Variants in SMIM13 observed in about 807,000 individuals in gnomAD.
SMIM13 encodes small integral membrane protein 13.
Under a neutral mutation model 5.9 loss-of-function variants are expected in SMIM13, and 3 were observed. That is an observed-to-expected ratio of 0.51 (90% confidence interval 0.23 to 1.31). The LOEUF (loss-of-function observed/expected upper bound fraction) is 1.31. Ranked by LOEUF, SMIM13 falls within the 40% of genes most tolerant of loss-of-function variation. The pLI is 0.18. For missense variants in SMIM13, 85 were observed against 109.9 expected, an observed-to-expected ratio of 0.77 and a Z score of 1.01; for synonymous variants, 55 against 46.0, an observed-to-expected ratio of 1.19 and a Z score of -0.79.
Position 11,134,402 on chromosome 6 carries a change from G to T in SMIM13, c.77-1G>T. ...CTTAATGTTTTTGTCTTTCTCTGTAGGTTGGTATTTTGTATGGCATCTTTT... is the reference window on the plus strand; with the variant it reads ...CTTAATGTTTTTGTCTTTCTCTGTATGTTGGTATTTTGTATGGCATCTTTT... On this transcript the variant is annotated splice_acceptor_variant, in intron 1 of 1. Coordinates refer to ENST00000416247, the MANE Select transcript of SMIM13 (RefSeq NM_001135575.2). LOFTEE classifies it high-confidence loss of function. 1 of 1,549,906 alleles carries T rather than the reference G, an allele frequency of 6.5e-7. No individual in the cohort carries two copies. The highest frequency in any genetic ancestry group is 2.4e-5 in the East Asian group (1 of 40,874).
rs553986748 is a variant in SMIM13 at position 11,136,544 on chromosome 6, G to A, written c.*1942G>A. On this transcript the variant is annotated 3_prime_UTR_variant, in exon 2 of 2. Coordinates refer to ENST00000416247, the MANE Select transcript of SMIM13 (RefSeq NM_001135575.2). Reference sequence around the variant, plus strand: ...TTAGAGTTTTGTTTAACAGTTCACTGGCTCTGTCCCAATGTTTGTGATGAA... The same window carrying A: ...TTAGAGTTTTGTTTAACAGTTCACTAGCTCTGTCCCAATGTTTGTGATGAA... 1 of 152,146 alleles carries A rather than the reference G, an allele frequency of 6.6e-6. No individual in the cohort carries two copies. Among genetic ancestry groups the A allele is most frequent in the African/African-American group, 2.4e-5 (1 of 41,498 alleles). The allele number at this position is 152,146 out of a possible 1,614,324, so 9.4% of individuals were successfully genotyped here.
chr6:11,127,341 A>G (rs1758389903), intron 1 of SMIM13, among the ~76,000 whole-genome samples: 2 of 152,028 alleles, frequency 1.3e-5, no homozygotes, highest in South Asian at 2.1e-4. Flanking sequence ...GTAAGACAAA[A>G]TCCCTCCCAG....
At position 11,136,657 on chromosome 6, in the gene SMIM13, A is replaced by G. The variant is rs565347343; in HGVS notation, c.*2055A>G. Reference sequence around the variant, plus strand: ...AGTTTTATGTGTTTGCTAGGGGAAGATTTCCTAGCAGCTGAGAGCAAGGCA... The same window carrying G: ...AGTTTTATGTGTTTGCTAGGGGAAGGTTTCCTAGCAGCTGAGAGCAAGGCA... On this transcript the variant is annotated 3_prime_UTR_variant, in exon 2 of 2. Coordinates refer to ENST00000416247, the MANE Select transcript of SMIM13 (RefSeq NM_001135575.2). 14 of 152,068 alleles carry G rather than the reference A, an allele frequency of 9.2e-5. No individual in the cohort carries two copies. Among genetic ancestry groups the G allele is most frequent in the South Asian group, 2.1e-4 (1 of 4,828 alleles). 9.4% of individuals were successfully genotyped at this position (152,068 alleles called of 1,614,324 possible).
chr6:11,111,539 G>C (rs139261770), intron 1 of SMIM13: 3 of 153,058 alleles, frequency 2.0e-5, no homozygotes, highest in African/African-American at 7.2e-5. Context: ...GAGCAGCCAG[G>C]GGGAGCAGAG....
intron 1 of SMIM13, among the ~76,000 whole-genome samples, chr6:11,099,324 G>A (rs1414418364): frequency 7.9e-5 from 12 of 152,106 alleles, no homozygotes; most frequent in Admixed American, 3.9e-4. Flanking sequence ...ATAGGCGCCC[G>A]CCACCACACC....
intron 1 of SMIM13, 68 bp downstream of exon 1, chr6:11,094,457 GTTGT>G (rs1757896724): frequency 2.4e-6 from 3 of 1,262,202 alleles, no homozygotes; most frequent in Middle Eastern, 2.3e-4. Flanking sequence ...GGTTTTTTTT[GTTGT>G]TTGTTTTTTT....
At chr6:11,113,532 C>T (rs1328217213) in intron 1 of SMIM13, among the ~76,000 whole-genome samples, 2 of 151,928 alleles carry the variant, frequency 1.3e-5, no homozygotes, top group African/African-American at 4.8e-5. Context: ...TTGTTTTTAT[C>T]AGATATGTTT....
intron 1 of SMIM13, among the ~76,000 whole-genome samples, chr6:11,115,121 A>G (rs1013028111): frequency 6.6e-6 from 1 of 152,168 alleles, no homozygotes; most frequent in African/African-American, 2.4e-5. Context: ...CATCGTGTTA[A>G]TGCAGACCTT....
At chr6:11,114,592 C>CTTT (rs58585640) in intron 1 of SMIM13, among the ~76,000 whole-genome samples, 908 of 21,958 alleles carry the variant, frequency 0.041, 147 homozygotes, top group African/African-American at 0.07. Flanking sequence ...CACTTTTTCT[C>CTTT]TTTTTTTTTT....
At chr6:11,094,424 A>G (rs1757895631) in intron 1 of SMIM13, 35 bp downstream of exon 1, 2 of 1,497,240 alleles carry the variant, frequency 1.3e-6, no homozygotes, top group Non-Finnish European at 1.8e-6. Context: ...GCAGTTCCAC[A>G]CGCCGGGTCG....
chr6:11,130,197 AACTACAATTTATCTCTT>A lies in SMIM13; in HGVS notation c.77-4205_77-4189del, dbSNP rs1201236591. ...GTGAATTTACTGCAATTCTTATCTAAACTACAATTTATCTCTTTCCTTTGTACTCCCAACCTATCATT... is the reference window on the plus strand; with the variant it reads ...GTGAATTTACTGCAATTCTTATCTAATCCTTTGTACTCCCAACCTATCATT... On this transcript the variant is annotated intron_variant, in intron 1 of 1. Transcript: ENST00000416247. 3.3e-5 allele frequency among the ~76,000 whole-genome samples: 5 copies of A among 151,798 alleles called. No individual in the cohort carries two copies. The East Asian group carries it at 9.6e-4, about 29-fold the overall frequency.
rs1758530711 is a variant in SMIM13 at position 11,137,519 on chromosome 6, T to C, written c.*2917T>C. On this transcript the variant is annotated 3_prime_UTR_variant, in exon 2 of 2. Coordinates refer to ENST00000416247, the MANE Select transcript of SMIM13 (RefSeq NM_001135575.2). ...TTAGAGCTTAAAAGTTTATAAGCATTAAAAACACATACATGTATTAGAATC... is the reference window on the plus strand; with the variant it reads ...TTAGAGCTTAAAAGTTTATAAGCATCAAAAACACATACATGTATTAGAATC... The C allele has an allele frequency of 6.6e-6, 1 of 152,168 alleles. No homozygotes were observed. Among genetic ancestry groups the C allele is most frequent in the Non-Finnish European group, 1.5e-5 (1 of 68,018 alleles). The allele number at this position is 152,168 out of a possible 1,614,324, so 9.4% of individuals were successfully genotyped here.
chr6:11,100,341 T>G (rs569542554), intron 1 of SMIM13, among the ~76,000 whole-genome samples: 61 of 152,224 alleles, frequency 4.0e-4, no homozygotes, highest in Non-Finnish European at 7.8e-4. Flanking sequence ...ATTATAGGCA[T>G]GAGCCACGGT....
intron 1 of SMIM13, among the ~76,000 whole-genome samples, chr6:11,112,966 C>G (rs921324056): frequency 6.6e-6 from 1 of 151,950 alleles, no homozygotes; most frequent in Admixed American, 6.6e-5. Flanking sequence ...TGCCACCATG[C>G]CTGGCTAATT....
At chr6:11,116,982 C>CT (rs68092921) in intron 1 of SMIM13, among the ~76,000 whole-genome samples, 5,035 of 46,414 alleles carry the variant, frequency 0.11, 1,791 homozygotes, top group Non-Finnish European at 0.12. Flanking sequence ...ATAATTGTTT[C>CT]TTTTTTTTTT....
At chr6:11,110,341 C>G (rs1267506997) in intron 1 of SMIM13, among the ~76,000 whole-genome samples, 1 of 152,200 alleles carries the variant, frequency 6.6e-6, no homozygotes, top group Non-Finnish European at 1.5e-5. Flanking sequence ...TCTCTTGCAT[C>G]TGCCTCCTTG....
At chr6:11,125,686 T>C (rs72825139) in intron 1 of SMIM13, among the ~76,000 whole-genome samples, 4,275 of 152,266 alleles carry the variant, frequency 0.028, 74 homozygotes, top group South Asian at 0.074. Flanking sequence ...CACTGAGAGA[T>C]TGATTGCCAG....
At chr6:11,105,059 T>C in intron 1 of SMIM13, 1 of 1,614,186 alleles carries the variant, frequency 6.2e-7, no homozygotes, top group Non-Finnish European at 8.5e-7. Context: ...GCCTCATCAG[T>C]CCTTTCAGAT....
At chr6:11,102,312 T>C (rs192296548) in intron 1 of SMIM13, among the ~76,000 whole-genome samples, 12 of 152,368 alleles carry the variant, frequency 7.9e-5, no homozygotes, top group African/African-American at 2.9e-4. Flanking sequence ...GTTTTAGAAA[T>C]TTAAACTATC....
Sources: gnomAD v4.1 joint callset for allele counts (sites outside exome capture counted in the v4.1 genomes callset) on GRCh38, gnomAD v4.1.1 for gene constraint, MANE v1.5 for transcripts, NCBI Gene and HGNC (gene_info 2026-07-23, HGNC 2026-07-21) for gene names.